Variants in HDHD2 observed in about 807,000 individuals in gnomAD.
HDHD2 encodes haloacid dehalogenase like hydrolase domain containing 2, also known as haloacid dehalogenase-like hydrolase domain-containing protein 2.
A neutral mutation model predicts 24.8 loss-of-function variants in HDHD2; 26 were observed. The ratio of observed to expected loss-of-function variants is 1.05; its 90% confidence interval spans 0.77 to 1.45. The LOEUF is 1.45. Among genes scored for constraint, HDHD2 ranks in the 40% most tolerant of loss-of-function variants. HDHD2 has a pLI of 0.00. For missense variants in HDHD2, 299 were observed against 313.4 expected, an observed-to-expected ratio of 0.95 and a Z score of 0.35; for synonymous variants, 128 against 114.9, an observed-to-expected ratio of 1.11 and a Z score of -0.73.
intron 3 of HDHD2, among the ~76,000 whole-genome samples, chr18:47,133,055 T>A (rs1448434428): frequency 1.3e-5 from 2 of 152,206 alleles, no homozygotes. Flanking sequence ...TGCAGGTTTG[T>A]TACATATGTA....
intron 6 of HDHD2, chr18:47,109,974 G>A: frequency 2.0e-6 from 2 of 985,272 alleles, no homozygotes; most frequent in Non-Finnish European, 2.4e-6. Flanking sequence ...GGGAAGAAGA[G>A]AGGGGAGGGA....
chr18:47,110,645 CA>C, intron 6 of HDHD2: 1 of 983,394 alleles, frequency 1.0e-6, no homozygotes, highest in Non-Finnish European at 1.2e-6. Context: ...TAGCACACAG[CA>C]GGGGCTCAAT....
intron 2 of HDHD2, 39 bp from the exon 3 acceptor site, chr18:47,134,743 T>A: frequency 6.6e-7 from 1 of 1,526,572 alleles, no homozygotes. Flanking sequence ...AGGCAGCTTT[T>A]ACATTCTGGC....
chr18:47,119,120 T>C (rs4609941), intron 4 of HDHD2, among the ~76,000 whole-genome samples: 10,356 of 152,302 alleles, frequency 0.068, 433 homozygotes, highest in East Asian at 0.13. Flanking sequence ...AATCTTTTTG[T>C]GGGCAGAAGG....
intron 5 of HDHD2, among the ~76,000 whole-genome samples, chr18:47,113,872 G>T (rs1169525260): frequency 6.6e-6 from 1 of 151,974 alleles, no homozygotes; most frequent in African/African-American, 2.4e-5. Context: ...AGCTAAACTT[G>T]CCCTGTTGAA....
intron 4 of HDHD2, among the ~76,000 whole-genome samples, chr18:47,117,185 T>A (rs1266805024): frequency 1.3e-5 from 2 of 152,326 alleles, no homozygotes; most frequent in South Asian, 2.1e-4. Flanking sequence ...TAAACATTTT[T>A]AAAAATATCA....
chr18:47,130,182 G>T, intron 4 of HDHD2, 62 bp downstream of exon 4: 1 of 1,052,988 alleles, frequency 9.5e-7, no homozygotes, highest in Non-Finnish European at 1.4e-6. Context: ...TCATGACAAT[G>T]ACAAAAGGAA....
At chr18:47,137,668 TA>T (rs985881970) in intron 1 of HDHD2, among the ~76,000 whole-genome samples, 1 of 152,174 alleles carries the variant, frequency 6.6e-6, no homozygotes. Context: ...AAAAACCCCA[TA>T]AAAATCCCTG....
chr18:47,134,496 C>T lies in HDHD2; in HGVS notation c.310G>A (p.Gly104Arg), dbSNP rs566618987. Residue 104 changes from glycine (G) to arginine (R), a missense_variant and splice_region_variant, in exon 3 of 7, where the codon GGA (glycine) becomes AGA (arginine). Gly to Arg is a moderately radical substitution (Grantham distance 125). Coordinates refer to ENST00000300605, the MANE Select transcript of HDHD2 (RefSeq NM_032124.5). ...VDDRALPDFK[G>R]IQTSDPNAVV... ...TTTAAATTTTCCAAATTTCCCCTAC[C>T]TTTGAAATCAGGTAGTGCCCGATCA... The T allele has an allele frequency of 1.9e-6, 3 of 1,611,820 alleles. No homozygotes were observed. Among genetic ancestry groups the T allele is most frequent in the Admixed American group, 3.3e-5 (2 of 59,838 alleles).
At chr18:47,129,200 A>C (rs1165591251) in intron 4 of HDHD2, among the ~76,000 whole-genome samples, 1 of 152,198 alleles carries the variant, frequency 6.6e-6, no homozygotes, top group East Asian at 1.9e-4. Flanking sequence ...GAAAAGTCAC[A>C]ATCTCATTCT....
At chr18:47,112,885 A>G in intron 6 of HDHD2, 92 bp downstream of exon 6, 2 of 1,057,712 alleles carry the variant, frequency 1.9e-6, no homozygotes, top group Non-Finnish European at 2.9e-6. Flanking sequence ...AAAAGTGCCC[A>G]GGGCTCTGCC....
rs187679598 is a variant in HDHD2 at position 47,108,416 on chromosome 18, T to G, written c.*266A>C. 129 of 327,040 alleles carry G rather than the reference T, an allele frequency of 3.9e-4. 1 individual carries two copies. The highest frequency in any genetic ancestry group is 2.7e-3 in the African/African-American group (124 of 46,664). The allele number at this position is 327,040 out of a possible 1,614,324, so 20.3% of individuals were successfully genotyped here. Reference sequence around the variant, plus strand: ...TTTTCCCCCACAGCCCCACCTAACCTGATGAATATTTTAAAAGGAATGGCA... The same window carrying G: ...TTTTCCCCCACAGCCCCACCTAACCGGATGAATATTTTAAAAGGAATGGCA... On this transcript the variant is annotated 3_prime_UTR_variant, in exon 7 of 7. Coordinates refer to ENST00000300605, the MANE Select transcript of HDHD2 (RefSeq NM_032124.5).
At chr18:47,128,016 T>C (rs1435298086) in intron 4 of HDHD2, among the ~76,000 whole-genome samples, 1 of 151,590 alleles carries the variant, frequency 6.6e-6, no homozygotes, top group East Asian at 1.9e-4. Flanking sequence ...GCTGCAGTCA[T>C]TGGTTGGAAG....
intron 4 of HDHD2, among the ~76,000 whole-genome samples, chr18:47,128,454 T>C (rs981786802): frequency 3.3e-5 from 5 of 152,206 alleles, no homozygotes; most frequent in African/African-American, 1.2e-4. Context: ...GTTGTAGAAC[T>C]TACTTAAGGA....
chr18:47,136,520 C>A, intron 1 of HDHD2, 71 bp from the exon 2 acceptor site: 1 of 1,231,496 alleles, frequency 8.1e-7, no homozygotes, highest in South Asian at 1.4e-5. Flanking sequence ...GGTAAGTATT[C>A]AAAAATATCA....
chr18:47,130,276 AT>A lies in HDHD2; in HGVS notation c.362del (p.His121LeufsTer7). ...NAVVMGLAPEHFHYQILNQAF... is the reference protein window; with the variant it reads ...NAVVMGLAPEXFHYQILNQAF... ...CTTGATTCAGAATTTGATAATGAAAATGTTCTGGTGCCAATCCCATGACCAC... is the reference window on the plus strand; with the variant it reads ...CTTGATTCAGAATTTGATAATGAAAAGTTCTGGTGCCAATCCCATGACCAC... On this transcript the variant is annotated frameshift_variant, in exon 4 of 7. Coordinates refer to ENST00000300605, the MANE Select transcript of HDHD2 (RefSeq NM_032124.5). LOFTEE classifies it high-confidence loss of function. 1 of 1,608,128 alleles carries A rather than the reference AT, an allele frequency of 6.2e-7. No homozygotes were observed. Among genetic ancestry groups the A allele is most frequent in the East Asian group, 2.2e-5 (1 of 44,730 alleles).
chr18:47,149,501 C>G (rs1435878165), intron 1 of HDHD2, among the ~76,000 whole-genome samples: 2 of 152,184 alleles, frequency 1.3e-5, no homozygotes, highest in Non-Finnish European at 2.9e-5. Context: ...ACAATGAACA[C>G]TGGTGGACAG....
At chr18:47,109,813 ATTTG>A (rs1227485122) in intron 6 of HDHD2, 3 of 208,854 alleles carry the variant, frequency 1.4e-5, no homozygotes, top group Non-Finnish European at 2.5e-5. Flanking sequence ...TTATGCATTT[ATTTG>A]TTTAACATCT....
intron 1 of HDHD2, among the ~76,000 whole-genome samples, chr18:47,137,984 C>T (rs1419764113): frequency 6.6e-6 from 1 of 151,238 alleles, no homozygotes; most frequent in African/African-American, 2.4e-5. Flanking sequence ...GTGGTAAAAC[C>T]GCGTCTCTGC....
Sources: allele counts gnomAD v4.1 joint callset (sites outside exome capture counted in the v4.1 genomes callset), GRCh38; gene constraint gnomAD v4.1.1; transcripts MANE v1.5; gene names NCBI Gene and HGNC (gene_info 2026-07-23, HGNC 2026-07-21).